The following CREBBP variants were observed in gnomAD, a reference collection of about 807,000 sequenced individuals.
CREBBP encodes the protein CREB binding lysine acetyltransferase, also known as CREB-binding protein.
CREBBP carries 19 observed loss-of-function variants against 265.0 expected under a neutral mutation model. The ratio of observed to expected loss-of-function variants is 0.07; its 90% CI spans 0.05 to 0.11. The LOEUF is 0.11. Among genes scored for constraint, CREBBP ranks in the 10% least tolerant of loss-of-function variants. The pLI is 1.00. For missense variants in CREBBP, 2,525 were observed against 3,219.0 expected (o/e 0.78, Z 5.22); for synonymous variants, 1,457 against 1,223.7 (o/e 1.19, Z -3.98).
chr16:3,876,399 CAAA>C (rs71133663), intron 1 of CREBBP, among the ~76,000 whole-genome samples: 4 of 18,156 alleles, frequency 2.2e-4, no homozygotes, highest in Admixed American at 2.1e-3. Flanking sequence ...TAAAGCTGAC[CAAA>C]AAAAAAAAAA....
At chr16:3,818,303 CTTT>C (rs71133660) in intron 2 of CREBBP, among the ~76,000 whole-genome samples, 7 of 106,450 alleles carry the variant, frequency 6.6e-5, no homozygotes, top group East Asian at 5.1e-4. Context: ...GTTTTCTTTT[CTTT>C]TTTTTTTTTT....
chr16:3,853,111 CCTTT>C (rs2054887434), intron 1 of CREBBP, among the ~76,000 whole-genome samples: 1 of 152,100 alleles, frequency 6.6e-6, no homozygotes, highest in Admixed American at 6.5e-5. Flanking sequence ...GGTTACTCAG[CCTTT>C]CTTTGCCTCA....
chr16:3,854,158 G>A (rs2054913113), intron 1 of CREBBP, among the ~76,000 whole-genome samples: 1 of 152,096 alleles, frequency 6.6e-6, no homozygotes, highest in Non-Finnish European at 1.5e-5. Context: ...AACCAGATAA[G>A]CCCACCACCA....
In CREBBP at chr16:3,849,525, CTTTTTTTTTTTT is replaced by C. The variant is rs140938515; in HGVS notation, c.798+760_798+771del. On this transcript the variant is annotated intron_variant, in intron 2 of 30. Coordinates refer to ENST00000262367, the MANE Select transcript of CREBBP (RefSeq NM_004380.3). ...CCTTGGAGCCACCTGGAGGCTGCTG[CTTTTTTTTTTTT>C]TTTTTTTTTTTTTCCAAGAGACAGG... Among the ~76,000 whole-genome samples, 50 of 6,558 alleles carry C rather than the reference CTTTTTTTTTTTT, an allele frequency of 7.6e-3. 3 individuals carry two copies. Among genetic ancestry groups the C allele is most frequent in the African/African-American group, 0.021 (44 of 2,112 alleles). The allele number at this position is 6,558 out of a possible 152,430, so 4.3% of individuals were successfully genotyped here.
chr16:3,871,795 T>C (rs925408330), intron 1 of CREBBP, among the ~76,000 whole-genome samples: 1 of 152,216 alleles, frequency 6.6e-6, no homozygotes, highest in Non-Finnish European at 1.5e-5. Context: ...CAACTACTTT[T>C]TCTCCTTACC....
intron 3 of CREBBP, among the ~76,000 whole-genome samples, chr16:3,795,606 C>A (rs559544434): frequency 1.3e-5 from 2 of 152,044 alleles, no homozygotes; most frequent in Non-Finnish European, 2.9e-5. Flanking sequence ...AACTGGAATC[C>A]CTGGCCCCTC....
chr16:3,746,152 G>C (rs2052337312), intron 21 of CREBBP, among the ~76,000 whole-genome samples: 1 of 152,188 alleles, frequency 6.6e-6, no homozygotes, highest in African/African-American at 2.4e-5. Context: ...AGGATAGGCT[G>C]AAGGGACTGG....
At chr16:3,793,357 C>T in intron 4 of CREBBP, 29 bp downstream of exon 4, 1 of 1,613,514 alleles carries the variant, frequency 6.2e-7, no homozygotes. Flanking sequence ...CTGACCTCTA[C>T]CACTAGGAGT....
At position 3,824,156 on chromosome 16, in the gene CREBBP, T is replaced by C. The variant is rs946340795; in HGVS notation, c.799-13377A>G. Among the ~76,000 whole-genome samples, 7 of 152,104 alleles carry C rather than the reference T, an allele frequency of 4.6e-5. No homozygotes were observed. In the East Asian group the frequency reaches 1.3e-3, roughly 29 times the overall value. ...GGTGCCACCAACATCGACTGCTAAATGGAGTTTCAAAAGGGAGAGGGGTCC... is the reference window on the plus strand; with the variant it reads ...GGTGCCACCAACATCGACTGCTAAACGGAGTTTCAAAAGGGAGAGGGGTCC... On this transcript the variant is annotated intron_variant, in intron 2 of 30. Transcript: ENST00000262367.
chr16:3,865,764 G>C (rs1183954421), intron 1 of CREBBP, among the ~76,000 whole-genome samples: 1 of 151,834 alleles, frequency 6.6e-6, no homozygotes, highest in Non-Finnish European at 1.5e-5. Context: ...TCAGCCTCCT[G>C]AGTGGCTGGG....
intron 2 of CREBBP, among the ~76,000 whole-genome samples, chr16:3,838,841 G>C (rs996341380): frequency 6.6e-6 from 1 of 152,102 alleles, no homozygotes; most frequent in African/African-American, 2.4e-5. Flanking sequence ...GAGCCACCAA[G>C]CTCAACAGCT....
intron 3 of CREBBP, among the ~76,000 whole-genome samples, chr16:3,801,295 T>C (rs1345221404): frequency 6.6e-6 from 1 of 152,222 alleles, no homozygotes; most frequent in Non-Finnish European, 1.5e-5. Context: ...TAAATGCCTA[T>C]GTCTCTAAAC....
chr16:3,873,960 C>G (rs1268089573), intron 1 of CREBBP, among the ~76,000 whole-genome samples: 1 of 152,058 alleles, frequency 6.6e-6, no homozygotes, highest in African/African-American at 2.4e-5. Flanking sequence ...AGGCACTGCC[C>G]CTGGGGAGGG....
intron 16 of CREBBP, among the ~76,000 whole-genome samples, chr16:3,767,070 T>C (rs904390250): frequency 6.6e-6 from 1 of 152,176 alleles, no homozygotes; most frequent in Non-Finnish European, 1.5e-5. Flanking sequence ...TAAGGTTCAC[T>C]TGACAATTTT....
At chr16:3,764,359 C>G (rs932312022) in intron 16 of CREBBP, among the ~76,000 whole-genome samples, 1 of 152,140 alleles carries the variant, frequency 6.6e-6, no homozygotes, top group East Asian at 1.9e-4. Context: ...TCACTACAGC[C>G]TCAACCTCCT....
Position 3,780,815 on chromosome 16 carries a change from T to G in CREBBP, c.1740A>C (p.Ala580=). 1 of 1,613,974 alleles carries G rather than the reference T, an allele frequency of 6.2e-7. No individual in the cohort carries two copies. The highest frequency in any genetic ancestry group is 2.2e-5 in the East Asian group (1 of 44,882). ...NIGTLSTIPT[A]APPSSTGVRK... ...TTACACCGGTGCTAGAAGGAGGAGC[T>G]GCTGTTGGTATAGTGCTGAGGGTTC... Residue 580 remains alanine (A), a synonymous_variant, in exon 8 of 31, where the codon GCA becomes GCC. Transcript: ENST00000262367.
At chr16:3,853,188 A>T (rs2054889293) in intron 1 of CREBBP, among the ~76,000 whole-genome samples, 1 of 152,192 alleles carries the variant, frequency 6.6e-6, no homozygotes, top group African/African-American at 2.4e-5. Flanking sequence ...TGTTGTGAGG[A>T]CCAAATGAAT....
rs763241697 is a variant in CREBBP, at chr16:3,729,014, G to C, written c.6033C>G (p.Pro2011=). 3.1e-6 allele frequency: 5 copies of C among 1,591,816 alleles called. No individual in the cohort carries two copies. In the African/African-American group the frequency reaches 5.4e-5, roughly 17 times the overall value. ...NVPRPNQVSG[P]VMPSMPPGQW... Reference sequence around the variant, plus strand: ...GCCCGGGAGGCATGCTGGGCATGACGGGCCCGCTCACCTGGTTGGGTCGGG... The same window carrying C: ...GCCCGGGAGGCATGCTGGGCATGACCGGCCCGCTCACCTGGTTGGGTCGGG... Residue 2011 remains proline, a synonymous_variant, in exon 31 of 31, where the codon CCC becomes CCG. Transcript: ENST00000262367.
intron 16 of CREBBP, among the ~76,000 whole-genome samples, chr16:3,764,968 G>GTTTTGT (rs527701845): frequency 4.7e-5 from 7 of 148,574 alleles, no homozygotes; most frequent in Admixed American, 2.0e-4. Context: ...TTTTTTTTTT[G>GTTTTGT]TTTTGTTTTT....
Sources: gnomAD v4.1 joint callset for allele counts (sites outside exome capture counted in the v4.1 genomes callset) on GRCh38, gnomAD v4.1.1 for gene constraint, MANE v1.5 for transcripts, NCBI Gene and HGNC (gene_info 2026-07-23, HGNC 2026-07-21) for gene names.